Variants in CTNNA2 observed in about 807,000 individuals in gnomAD.
CTNNA2 encodes catenin alpha-2.
CTNNA2 carries 42 observed loss-of-function variants against 101.0 expected under a neutral mutation model. The ratio of observed to expected loss-of-function variants is 0.42; its 90% confidence interval spans 0.32 to 0.54. CTNNA2 has a LOEUF of 0.54. Among genes scored for constraint, CTNNA2 ranks in the 20% least tolerant of loss-of-function variants. The probability of loss-of-function intolerance (pLI) is 0.14; values close to 1 mark genes in which losing one functional copy is unlikely to be tolerated. For synonymous variants in CTNNA2, 450 were observed against 456.4 expected, an observed-to-expected ratio of 0.99 and a Z score of 0.18; for missense variants, 871 against 1,223.1, an observed-to-expected ratio of 0.71 and a Z score of 4.29.
Position 80,162,941 on chromosome 2 carries a change from A to G in CTNNA2, c.1057-230270A>G, listed in dbSNP as rs1704424148. On this transcript the variant is annotated intron_variant, in intron 7 of 18. Coordinates refer to ENST00000402739, the MANE Select transcript of CTNNA2 (RefSeq NM_001282597.3). ...AGGTAGGGCTTGAATTTCCAACATG[A>G]TATTGGGGATATGGCAAACTGACAT... is the stretch of plus-strand genomic sequence containing the variant. The G allele has an allele frequency of 5.8e-6, 9 of 1,541,582 alleles. No individual in the cohort carries two copies. In the East Asian group the frequency reaches 2.0e-4, roughly 35 times the overall value.
intron 18 of CTNNA2, among the ~76,000 whole-genome samples, chr2:80,635,809 G>A (rs559037606): frequency 6.6e-4 from 101 of 152,144 alleles, no homozygotes; most frequent in African/African-American, 2.2e-3. Flanking sequence ...ACCATGGCTA[G>A]GATCAGTAGG....
chr2:79,895,679 G>A (rs1370831704), intron 6 of CTNNA2, among the ~76,000 whole-genome samples: 2 of 137,624 alleles, frequency 1.5e-5, no homozygotes, highest in Non-Finnish European at 3.0e-5. Flanking sequence ...TATGTGGTTT[G>A]TGAAATTTCT....
At chr2:79,651,764 A>G (rs750250134) in intron 2 of CTNNA2, 106 bp downstream of exon 2, 69 of 905,412 alleles carry the variant, frequency 7.6e-5, no homozygotes, top group Admixed American at 1.3e-4. Flanking sequence ...AAATCATGCC[A>G]TGATTCCGAT....
chr2:80,631,361 AT>A (rs35491193), intron 18 of CTNNA2, among the ~76,000 whole-genome samples: 631 of 108,314 alleles, frequency 5.8e-3, no homozygotes, highest in Non-Finnish European at 8.0e-3. Flanking sequence ...GAAACCACTA[AT>A]TTTTTTTTTT....
chr2:80,575,915 T>C (rs939058811), intron 13 of CTNNA2, among the ~76,000 whole-genome samples: 2 of 152,186 alleles, frequency 1.3e-5, no homozygotes, highest in African/African-American at 4.8e-5. Flanking sequence ...AGGAGAGAAA[T>C]GTACAGTATG....
intron 17 of CTNNA2, among the ~76,000 whole-genome samples, chr2:80,613,441 A>C (rs1485620601): frequency 6.6e-6 from 1 of 151,236 alleles, no homozygotes; most frequent in Admixed American, 6.6e-5. Context: ...AGAAAGTAAA[A>C]ATTTCTTTGG....
chr2:79,561,573 C>T (rs1003185492), intron 1 of CTNNA2, among the ~76,000 whole-genome samples: 3 of 151,896 alleles, frequency 2.0e-5, no homozygotes, highest in African/African-American at 7.2e-5. Flanking sequence ...ATTCCAGTTT[C>T]TCCACATCTT....
chr2:80,232,318 G>C (rs1709260274), intron 7 of CTNNA2, among the ~76,000 whole-genome samples: 1 of 119,050 alleles, frequency 8.4e-6, no homozygotes, highest in South Asian at 2.8e-4. Context: ...TACAGAATTT[G>C]GGTTTTGTTT....
intron 3 of CTNNA2, among the ~76,000 whole-genome samples, chr2:79,818,640 A>G (rs1041364867): frequency 1.3e-5 from 2 of 151,522 alleles, no homozygotes; most frequent in African/African-American, 4.9e-5. Flanking sequence ...AAAGACTGTT[A>G]ATGATCTTCA....
intron 7 of CTNNA2, among the ~76,000 whole-genome samples, chr2:80,270,833 C>T (rs1673402773): frequency 6.6e-6 from 1 of 152,046 alleles, no homozygotes; most frequent in Non-Finnish European, 1.5e-5. Context: ...AATAACAATT[C>T]ATTCTGCTTA....
At chr2:80,046,816 A>C (rs1289630682) in intron 7 of CTNNA2, among the ~76,000 whole-genome samples, 1 of 152,238 alleles carries the variant, frequency 6.6e-6, no homozygotes, top group African/African-American at 2.4e-5. Flanking sequence ...TCTCATAACC[A>C]ACATGTACTC....
At chr2:80,248,917 AG>A (rs769447451) in intron 7 of CTNNA2, among the ~76,000 whole-genome samples, 10 of 152,162 alleles carry the variant, frequency 6.6e-5, no homozygotes, top group Non-Finnish European at 1.3e-4. Context: ...GGAATAAGGG[AG>A]GTGAAGGAAT....
intron 3 of CTNNA2, among the ~76,000 whole-genome samples, chr2:79,349,786 T>C (rs1246307539): frequency 1.3e-5 from 2 of 152,184 alleles, no homozygotes; most frequent in African/African-American, 4.8e-5. Context: ...GAAACCATTA[T>C]ATTAGAAAGA....
chr2:80,052,361 T>A (rs1188045058), intron 7 of CTNNA2, among the ~76,000 whole-genome samples: 5 of 152,204 alleles, frequency 3.3e-5, no homozygotes, highest in Non-Finnish European at 7.3e-5. Context: ...CACATGCACA[T>A]ATACAAAAGT....
At chr2:79,682,410 CAAAAAAA>C (rs10674928) in intron 2 of CTNNA2, among the ~76,000 whole-genome samples, 1 of 73,334 alleles carries the variant, frequency 1.4e-5, no homozygotes, top group Non-Finnish European at 2.5e-5. Flanking sequence ...AACTCCATCT[CAAAAAAA>C]AAAAAAAAAA....
intron 2 of CTNNA2, among the ~76,000 whole-genome samples, chr2:79,272,755 T>G (rs1450837035): frequency 1.3e-5 from 2 of 152,132 alleles, no homozygotes; most frequent in African/African-American, 4.8e-5. Flanking sequence ...TTTTATGTGT[T>G]TTCTATTCAT....
intron 2 of CTNNA2, among the ~76,000 whole-genome samples, chr2:79,235,312 A>G (rs1009414091): frequency 5.3e-5 from 8 of 151,782 alleles, no homozygotes; most frequent in African/African-American, 1.9e-4. Context: ...TTAGTGTTGT[A>G]TTTTGGGCTT....
rs377019291 is a variant in CTNNA2 at position 79,340,789 on chromosome 2, G to C, written c.-318+27993G>C. The stretch of plus-strand genomic sequence containing the variant: ...GCGGAGCTTGCAGTGAGCGGAGATC[G>C]CGCCACTGCACTCCAGCCTGGGCTA... On this transcript the variant is annotated intron_variant, in intron 3 of 21. Transcript: ENST00000466387. Among the ~76,000 whole-genome samples the C allele has an allele frequency of 1.6e-3, 226 of 137,060 alleles. 2 individuals carry two copies. The East Asian group carries it at 0.031, about 19-fold the overall frequency. The allele number at this position is 137,060 out of a possible 152,430, so 89.9% of individuals were successfully genotyped here.
rs1046037175 is a variant in CTNNA2 at position 80,203,402 on chromosome 2, A to T, written c.1057-189809A>T. On this transcript the variant is annotated intron_variant, in intron 7 of 18. Transcript: ENST00000402739. ...CTTCCTAGATACCAAGAGGGTACAG[A>T]CATTGGGTAAATACACCAATTCCAA... 3.3e-5 allele frequency among the ~76,000 whole-genome samples: 5 copies of T among 152,392 alleles called. No homozygotes were observed. The East Asian group carries it at 9.6e-4, about 29-fold the overall frequency.
Sources: gnomAD v4.1 joint callset for allele counts (sites outside exome capture counted in the v4.1 genomes callset) on GRCh38, gnomAD v4.1.1 for gene constraint, MANE v1.5 for transcripts, NCBI Gene and HGNC (gene_info 2026-07-23, HGNC 2026-07-21) for gene names.